Variants in CREBBP observed in about 807,000 individuals in gnomAD.
CREBBP encodes the protein CREB-binding protein.
Under a neutral mutation model 265.0 loss-of-function variants are expected in CREBBP, and 19 were observed. The ratio of observed to expected loss-of-function variants is 0.07; its 90% CI spans 0.05 to 0.11. The LOEUF is 0.11. Among genes scored for constraint, CREBBP ranks in the 10% least tolerant of loss-of-function variants. The probability of loss-of-function intolerance (pLI) is 1.00; values close to 1 mark genes in which losing one functional copy is unlikely to be tolerated. For synonymous variants in CREBBP, 1,457 were observed against 1,223.7 expected, an observed-to-expected ratio of 1.19 and a Z score of -3.98; for missense variants, 2,525 against 3,219.0, an observed-to-expected ratio of 0.78 and a Z score of 5.22.
At chr16:3,860,280 A>T (rs950409103) in intron 1 of CREBBP, among the ~76,000 whole-genome samples, 3 of 152,182 alleles carry the variant, frequency 2.0e-5, no homozygotes, top group African/African-American at 7.2e-5. Flanking sequence ...GCTTCTATTA[A>T]ATCTTTCAAA....
At chr16:3,821,511 C>G (rs1480814997) in intron 2 of CREBBP, among the ~76,000 whole-genome samples, 2 of 152,152 alleles carry the variant, frequency 1.3e-5, no homozygotes, top group Non-Finnish European at 2.9e-5. Flanking sequence ...CAAAGAACAG[C>G]TAATCTGAGG....
intron 2 of CREBBP, among the ~76,000 whole-genome samples, chr16:3,839,718 G>A (rs975571804): frequency 4.0e-4 from 55 of 138,780 alleles, no homozygotes; most frequent in African/African-American, 1.4e-3. Flanking sequence ...GGAAGGGGAG[G>A]GGAGGGGGAG....
At chr16:3,860,824 C>T (rs572904441) in intron 1 of CREBBP, among the ~76,000 whole-genome samples, 162 of 152,056 alleles carry the variant, frequency 1.1e-3, no homozygotes, top group African/African-American at 3.0e-3. Context: ...GGCCACACTA[C>T]GCTCTCGGTG....
chr16:3,742,795 C>A (rs2052248795), intron 23 of CREBBP: 1 of 152,068 alleles, frequency 6.6e-6, no homozygotes, highest in African/African-American at 2.4e-5. Context: ...TACCTCTAGT[C>A]TCCTAGGCCC....
chr16:3,748,412 C>T (rs1012532976), intron 21 of CREBBP, among the ~76,000 whole-genome samples: 1 of 152,206 alleles, frequency 6.6e-6, no homozygotes, highest in Non-Finnish European at 1.5e-5. Flanking sequence ...GAGGGGTGGG[C>T]GCTCTGCCCT....
At chr16:3,805,905 C>T (rs943031457) in intron 3 of CREBBP, among the ~76,000 whole-genome samples, 3 of 152,094 alleles carry the variant, frequency 2.0e-5, no homozygotes, top group Non-Finnish European at 2.9e-5. Flanking sequence ...TAAGAATTAT[C>T]TGAGTTATAA....
intron 3 of CREBBP, among the ~76,000 whole-genome samples, chr16:3,802,500 G>C (rs2053737460): frequency 1.3e-5 from 2 of 151,800 alleles, no homozygotes; most frequent in African/African-American, 4.8e-5. Flanking sequence ...ATAGGTTTTG[G>C]GTAATTTAGC....
intron 19 of CREBBP, among the ~76,000 whole-genome samples, chr16:3,752,529 C>A: frequency 6.6e-6 from 1 of 151,242 alleles, no homozygotes; most frequent in East Asian, 1.9e-4. Flanking sequence ...ATATTCTAGA[C>A]AAACATTTAA....
intron 1 of CREBBP, among the ~76,000 whole-genome samples, chr16:3,873,202 C>T (rs995407357): frequency 2.0e-5 from 3 of 152,212 alleles, no homozygotes; most frequent in African/African-American, 7.2e-5. Flanking sequence ...GCTGCTTAAA[C>T]AGTCCATGAA....
chr16:3,870,126 G>A (rs1353763908), intron 1 of CREBBP, among the ~76,000 whole-genome samples: 1 of 151,890 alleles, frequency 6.6e-6, no homozygotes, highest in Non-Finnish European at 1.5e-5. Flanking sequence ...TGTCCACCAC[G>A]GGGTAACTTT....
chr16:3,782,450 G>C (rs999509861), intron 6 of CREBBP, among the ~76,000 whole-genome samples: 3 of 152,244 alleles, frequency 2.0e-5, no homozygotes, highest in Admixed American at 1.3e-4. Flanking sequence ...CGTCCAGACA[G>C]AAGTGGCACA....
At chr16:3,857,457 C>A (rs112462987) in intron 1 of CREBBP, among the ~76,000 whole-genome samples, 1 of 152,302 alleles carries the variant, frequency 6.6e-6, no homozygotes, top group Non-Finnish European at 1.5e-5. Context: ...TTTCCATATT[C>A]CCTAGTTCAG....
chr16:3,818,324 T>TTTTG (rs2054078039), intron 2 of CREBBP, among the ~76,000 whole-genome samples: 1 of 144,788 alleles, frequency 6.9e-6, no homozygotes, highest in African/African-American at 2.7e-5. Flanking sequence ...TTTTTTTTTT[T>TTTTG]GAGATGGAGT....
intron 3 of CREBBP, among the ~76,000 whole-genome samples, chr16:3,807,493 G>A (rs1283703279): frequency 6.6e-6 from 1 of 152,156 alleles, no homozygotes; most frequent in East Asian, 1.9e-4. Flanking sequence ...GGGTTTTGAG[G>A]CCAGATATAA....
chr16:3,751,888 C>G (rs1029476971), intron 19 of CREBBP, 82 bp from the exon 20 acceptor site: 5 of 1,337,136 alleles, frequency 3.7e-6, no homozygotes, highest in Non-Finnish European at 5.4e-6. Context: ...CCAATCAGAG[C>G]AGGGCAGAGC....
At chr16:3,781,415 A>C (rs532425615) in intron 6 of CREBBP, 109 bp from the exon 7 acceptor site, 235 of 883,968 alleles carry the variant, frequency 2.7e-4, no homozygotes, top group Non-Finnish European at 3.7e-4. Context: ...GTGGTTATTT[A>C]AATAAGTGAT....
At chr16:3,820,698 C>G (rs1176443291) in intron 2 of CREBBP, among the ~76,000 whole-genome samples, 1 of 152,174 alleles carries the variant, frequency 6.6e-6, no homozygotes, top group Non-Finnish European at 1.5e-5. Context: ...ACCCCCTTCT[C>G]TACAAAAAAT....
chr16:3,841,137 T>C (rs1042525689), intron 2 of CREBBP: 13 of 153,158 alleles, frequency 8.5e-5, no homozygotes, highest in African/African-American at 2.4e-4. Context: ...GTATTTTTCT[T>C]GTATCTTTTC....
At chr16:3,757,098 T>C (rs1028723058) in intron 19 of CREBBP, among the ~76,000 whole-genome samples, 190 bp downstream of exon 19, 1 of 152,100 alleles carries the variant, frequency 6.6e-6, no homozygotes, top group African/African-American at 2.4e-5. Context: ...ATAACATAAC[T>C]CCTGGGCTCA....
Sources: allele counts gnomAD v4.1 joint callset (sites outside exome capture counted in the v4.1 genomes callset), GRCh38; gene constraint gnomAD v4.1.1; transcripts MANE v1.5; gene names NCBI Gene and HGNC (gene_info 2026-07-23, HGNC 2026-07-21).